GRM5: variants seen among roughly 807,000 people sequenced by gnomAD.
The protein encoded by GRM5 is glutamate metabotropic receptor 5.
GRM5 carries 19 observed loss-of-function variants against 83.1 expected under a neutral mutation model. That is an observed-to-expected ratio of 0.23 (90% CI 0.16 to 0.34). The LOEUF (loss-of-function observed/expected upper bound fraction) is 0.34, where lower values mean the gene tolerates loss of function less well. GRM5 is among the 10% of genes least tolerant of loss of function. GRM5 has a pLI of 1.00. For synonymous variants in GRM5, 675 were observed against 633.6 expected, an observed-to-expected ratio of 1.07 and a Z score of -0.98; for missense variants, 1,160 against 1,588.3, an observed-to-expected ratio of 0.73 and a Z score of 4.58.
At chr11:88,976,636 C>T (rs1376686125) in intron 2 of GRM5, among the ~76,000 whole-genome samples, 1 of 151,882 alleles carries the variant, frequency 6.6e-6, no homozygotes, top group Non-Finnish European at 1.5e-5. Context: ...CTGAGTTTTT[C>T]AACACTGTAT....
At position 88,987,695 on chromosome 11, in the gene GRM5, C is replaced by A. The variant is rs992859372; in HGVS notation, c.661+59517G>T. On this transcript the variant is annotated intron_variant, in intron 2 of 9. Coordinates refer to ENST00000305447, the MANE Select transcript of GRM5 (RefSeq NM_001143831.3). ...GGCAGACTGCCTCCTCAAGTGGATC[C>A]CTGACCCCTGACCCCCGAGCAGCCT... 2.0e-3 allele frequency among the ~76,000 whole-genome samples: 297 copies of A among 152,212 alleles called. 6 individuals carry two copies. The highest frequency in any genetic ancestry group is 0.019 in the Admixed American group (292 of 15,296).
At chr11:88,550,614 A>T (rs1190216675) in intron 8 of GRM5, among the ~76,000 whole-genome samples, 2 of 152,174 alleles carry the variant, frequency 1.3e-5, no homozygotes, top group Admixed American at 1.3e-4. Flanking sequence ...TGAGTACTTC[A>T]GACAGTGGCT....
intron 3 of GRM5, among the ~76,000 whole-genome samples, chr11:88,796,938 G>C (rs1229699124): frequency 1.9e-5 from 2 of 107,938 alleles, no homozygotes; most frequent in African/African-American, 6.9e-5. Context: ...GTGTGTGTGT[G>C]TGTACAGAAA....
intron 3 of GRM5, among the ~76,000 whole-genome samples, chr11:88,724,633 C>A (rs1044624333): frequency 6.6e-6 from 1 of 152,084 alleles, no homozygotes; most frequent in Non-Finnish European, 1.5e-5. Context: ...TGGCCAAATA[C>A]AAACAGCTCC....
At chr11:89,060,278 A>G (rs982701985) in intron 1 of GRM5, among the ~76,000 whole-genome samples, 39 of 137,132 alleles carry the variant, frequency 2.8e-4, no homozygotes, top group Non-Finnish European at 2.5e-4. Context: ...ATATATATAT[A>G]TATATATACA....
intron 2 of GRM5, among the ~76,000 whole-genome samples, chr11:88,983,959 T>C (rs1939607766): frequency 6.6e-6 from 1 of 152,096 alleles, no homozygotes; most frequent in Non-Finnish European, 1.5e-5. Flanking sequence ...TTTAAAAATA[T>C]TAAAAAGCAT....
intron 7 of GRM5, among the ~76,000 whole-genome samples, chr11:88,582,452 C>A (rs1179997109): frequency 6.6e-6 from 1 of 152,090 alleles, no homozygotes; most frequent in African/African-American, 2.4e-5. Context: ...GTGATAAAAT[C>A]TTTTGCTGAA....
intron 3 of GRM5, among the ~76,000 whole-genome samples, chr11:88,849,348 A>T (rs943644300): frequency 8.5e-5 from 13 of 152,222 alleles, no homozygotes; most frequent in African/African-American, 3.1e-4. Flanking sequence ...AATCAAGTGA[A>T]TTATCCAGAT....
At chr11:88,972,980 C>A (rs1056911642) in intron 2 of GRM5, among the ~76,000 whole-genome samples, 11 of 151,908 alleles carry the variant, frequency 7.2e-5, no homozygotes, top group Admixed American at 7.2e-4. Flanking sequence ...TACACAGTAA[C>A]TAGGCTAATT....
At position 88,957,880 on chromosome 11, in the gene GRM5, A is replaced by T. The variant is rs540012554; in HGVS notation, c.661+89332T>A. 3.3e-5 allele frequency among the ~76,000 whole-genome samples: 5 copies of T among 152,288 alleles called. No individual in the cohort carries two copies. In the East Asian group the frequency reaches 9.6e-4, roughly 29 times the overall value. On this transcript the variant is annotated intron_variant, in intron 2 of 9. Coordinates refer to ENST00000305447, the MANE Select transcript of GRM5 (RefSeq NM_001143831.3). ...ATTTATCCCACAAAAGCAGAAAGGG[A>T]AGATTAGAAATCTCTAACTGTGCAT...
intron 3 of GRM5, among the ~76,000 whole-genome samples, chr11:88,823,723 A>G (rs919643421): frequency 5.9e-5 from 9 of 152,156 alleles, no homozygotes; most frequent in African/African-American, 1.7e-4. Flanking sequence ...TAGGATCCCA[A>G]CTGGAGAAGA....
chr11:88,822,919 C>T (rs1943827452), intron 3 of GRM5, among the ~76,000 whole-genome samples: 1 of 151,976 alleles, frequency 6.6e-6, no homozygotes, highest in African/African-American at 2.4e-5. Flanking sequence ...AGTTTTCAAC[C>T]ATCCAGGAAT....
rs539281943 is a variant in GRM5, at chr11:88,940,555, T to A, written c.662-90400A>T. 3.3e-5 allele frequency among the ~76,000 whole-genome samples: 5 copies of A among 151,614 alleles called. 1 individual carries two copies. Among genetic ancestry groups the A allele is most frequent in the Admixed American group, 3.3e-4 (5 of 15,194 alleles). ...GAAATTTAATAAAAATAAATACAGA[T>A]AATCCTAATATGATGCAAAATAGTA... is the stretch of plus-strand genomic sequence containing the variant. On this transcript the variant is annotated intron_variant, in intron 2 of 9. Transcript: ENST00000305447.
chr11:88,716,532 T>G (rs1941403836), intron 3 of GRM5, among the ~76,000 whole-genome samples: 1 of 151,886 alleles, frequency 6.6e-6, no homozygotes, highest in South Asian at 2.1e-4. Flanking sequence ...TGTGGGTGAT[T>G]TGTATTGACT....
chr11:88,912,950 T>C (rs1365184330), intron 2 of GRM5, among the ~76,000 whole-genome samples: 1 of 152,168 alleles, frequency 6.6e-6, no homozygotes, highest in Non-Finnish European at 1.5e-5. Context: ...GATTGCAAAT[T>C]TGAGTAGCAA....
chr11:88,940,370 TTTTTTTTC>T lies in GRM5; in HGVS notation c.662-90223_662-90216del, dbSNP rs976069209. Among the ~76,000 whole-genome samples, 18 of 151,262 alleles carry T rather than the reference TTTTTTTTC, an allele frequency of 1.2e-4. No homozygotes were observed. The South Asian group carries it at 1.7e-3, about 14-fold the overall frequency. On this transcript the variant is annotated intron_variant, in intron 2 of 9. Coordinates refer to ENST00000305447, the MANE Select transcript of GRM5 (RefSeq NM_001143831.3). ...AGCAATTCAGCCTCCAGGGACAATTTTTTTTTTCTTTTTTTCTTTTTTTCTTTTTTTTG... is the reference window on the plus strand; with the variant it reads ...AGCAATTCAGCCTCCAGGGACAATTTTTTTTTTCTTTTTTTCTTTTTTTTG...
Position 88,891,302 on chromosome 11 carries a change from C to G in GRM5, c.662-41147G>C, listed in dbSNP as rs532261916. 4.2e-3 allele frequency among the ~76,000 whole-genome samples: 645 copies of G among 152,162 alleles called. 6 individuals are homozygous for G. Among genetic ancestry groups the G allele is most frequent in the African/African-American group, 0.015 (612 of 41,528 alleles). ...GAAAGGTTTTTGCCTTTTGAGTCAT[C>G]ATTTTGGCAAAATAAGTAATTTATG... On this transcript the variant is annotated intron_variant, in intron 2 of 9. Coordinates refer to ENST00000305447, the MANE Select transcript of GRM5 (RefSeq NM_001143831.3).
intron 2 of GRM5, among the ~76,000 whole-genome samples, chr11:88,891,754 A>T (rs1266385839): frequency 2.0e-5 from 3 of 152,096 alleles, no homozygotes; most frequent in Non-Finnish European, 4.4e-5. Flanking sequence ...AAGATGGGAT[A>T]TAATCAAGCT....
chr11:88,528,021 T>A (rs900060783), intron 8 of GRM5, among the ~76,000 whole-genome samples: 2 of 151,854 alleles, frequency 1.3e-5, no homozygotes, highest in Non-Finnish European at 2.9e-5. Context: ...ATCTGCATAT[T>A]ATACCCCTGC....
Sources: gnomAD v4.1 joint callset for allele counts (sites outside exome capture counted in the v4.1 genomes callset) on GRCh38, gnomAD v4.1.1 for gene constraint, MANE v1.5 for transcripts, NCBI Gene and HGNC (gene_info 2026-07-23, HGNC 2026-07-21) for gene names.